SRRM4: variants seen among roughly 807,000 people sequenced by gnomAD.
SRRM4 encodes the protein serine/arginine repetitive matrix 4.
In SRRM4, 33 loss-of-function variants were observed where a neutral mutation model predicts 68.9. The observed-to-expected ratio is 0.48, with a 90% CI of 0.36 to 0.64. The LOEUF (loss-of-function observed/expected upper bound fraction) is 0.64. Among genes scored for constraint, SRRM4 ranks in the 30% least tolerant of loss-of-function variants. SRRM4 has a pLI of 0.00. For missense variants in SRRM4, 817 were observed against 827.1 expected (o/e 0.99, Z 0.15); for synonymous variants, 318 against 318.8 (o/e 1.00, Z 0.03).
intron 1 of SRRM4, among the ~76,000 whole-genome samples, chr12:118,991,125 A>C (rs1309585941): frequency 6.6e-6 from 1 of 152,190 alleles, no homozygotes; most frequent in Non-Finnish European, 1.5e-5. Flanking sequence ...TTAAGTATAC[A>C]GAGCCAGCTC....
At chr12:119,087,025 A>G (rs949883395) in intron 1 of SRRM4, among the ~76,000 whole-genome samples, 1 of 152,204 alleles carries the variant, frequency 6.6e-6, no homozygotes, top group African/African-American at 2.4e-5. Context: ...CGTGGTTCCC[A>G]TGGTGTCCAC....
chr12:119,088,917 T>TA (rs1450064723), intron 1 of SRRM4, among the ~76,000 whole-genome samples: 1 of 152,236 alleles, frequency 6.6e-6, no homozygotes, highest in Non-Finnish European at 1.5e-5. Flanking sequence ...GGAATGGTGT[T>TA]AAGCACTTTG....
At chr12:119,138,497 A>T (rs967490122) in intron 8 of SRRM4, among the ~76,000 whole-genome samples, 2 of 152,168 alleles carry the variant, frequency 1.3e-5, no homozygotes, top group Admixed American at 6.5e-5. Context: ...TTGATGCTCC[A>T]GTGTTCAGCC....
intron 1 of SRRM4, among the ~76,000 whole-genome samples, chr12:119,082,914 T>C (rs538285487): frequency 6.6e-6 from 1 of 152,336 alleles, no homozygotes; most frequent in Non-Finnish European, 1.5e-5. Flanking sequence ...CTGATCTTTA[T>C]GCCCTAAGAC....
chr12:118,986,898 TA>T lies in SRRM4; in HGVS notation c.131+4895del, dbSNP rs368198677. On this transcript the variant is annotated intron_variant, in intron 1 of 12. Coordinates refer to ENST00000267260, the MANE Select transcript of SRRM4 (RefSeq NM_194286.4). Reference sequence around the variant, plus strand: ...GGCATGCTGCAGAAGAGCAATACATTAAAAAAAAAATCTGTTTTTTTTATTT... The same window carrying T: ...GGCATGCTGCAGAAGAGCAATACATTAAAAAAAAATCTGTTTTTTTTATTT... 7.1e-3 allele frequency among the ~76,000 whole-genome samples: 1,061 copies of T among 150,068 alleles called. 37 individuals are homozygous for T. In the South Asian group the frequency reaches 0.11, roughly 15 times the overall value.
At chr12:119,063,963 T>C (rs908105696) in intron 1 of SRRM4, among the ~76,000 whole-genome samples, 4 of 152,178 alleles carry the variant, frequency 2.6e-5, no homozygotes, top group Non-Finnish European at 4.4e-5. Flanking sequence ...GATCCTGGGC[T>C]ATATACTAAC....
chr12:119,122,834 T>C (rs531200252), intron 6 of SRRM4, among the ~76,000 whole-genome samples: 1 of 152,276 alleles, frequency 6.6e-6, no homozygotes, highest in East Asian at 1.9e-4. Context: ...TGTGTGAGCA[T>C]GTGTATGAAT....
intron 1 of SRRM4, among the ~76,000 whole-genome samples, chr12:119,012,678 G>T (rs1422384873): frequency 6.6e-6 from 1 of 152,092 alleles, no homozygotes; most frequent in Non-Finnish European, 1.5e-5. Flanking sequence ...TCTTCCTTCA[G>T]CCACATGTGG....
intron 1 of SRRM4, among the ~76,000 whole-genome samples, chr12:119,009,993 C>A (rs539874813): frequency 6.6e-6 from 1 of 152,228 alleles, no homozygotes; most frequent in Non-Finnish European, 1.5e-5. Context: ...AAGTGTTTAC[C>A]AACAGGAGTG....
intron 1 of SRRM4, chr12:118,989,661 A>T (rs187166149): frequency 6.6e-6 from 1 of 152,266 alleles, no homozygotes; most frequent in East Asian, 1.9e-4. Context: ...GACAAAGCCA[A>T]ACCAAATACA....
rs891658089 is a variant in SRRM4 at position 118,981,571 on chromosome 12, T to G, written c.-312T>G. 3.4e-6 allele frequency: 1 copy of G among 295,518 alleles called. No homozygotes were observed. Among genetic ancestry groups the G allele is most frequent in the African/African-American group, 2.2e-5 (1 of 46,110 alleles). 18.3% of individuals were successfully genotyped at this position (295,518 alleles called of 1,614,324 possible). ...CGCACACACATCCGACCCCGTCGCC[T>G]CTTCTCTCCTGGTGCTGCCCAGAAA... On this transcript the variant is annotated 5_prime_UTR_variant, in exon 1 of 13. Transcript: ENST00000267260.
intron 7 of SRRM4, among the ~76,000 whole-genome samples, chr12:119,125,898 G>A (rs1214801890): frequency 1.3e-5 from 2 of 151,610 alleles, no homozygotes; most frequent in Non-Finnish European, 2.9e-5. Context: ...TCCAGCCTGG[G>A]TGACAGAACA....
intron 1 of SRRM4, among the ~76,000 whole-genome samples, chr12:119,027,521 A>G (rs1367750403): frequency 6.6e-6 from 1 of 151,592 alleles, no homozygotes; most frequent in Non-Finnish European, 1.5e-5. Context: ...AGTCAGATCT[A>G]CAAGCACTCA....
At chr12:119,009,091 G>T (rs1472655394) in intron 1 of SRRM4, among the ~76,000 whole-genome samples, 1 of 151,900 alleles carries the variant, frequency 6.6e-6, no homozygotes, top group Non-Finnish European at 1.5e-5. Context: ...ACACTCGCTC[G>T]CACACGCAGC....
chr12:118,987,970 G>A (rs974071859), intron 1 of SRRM4, among the ~76,000 whole-genome samples: 18 of 152,190 alleles, frequency 1.2e-4, no homozygotes, highest in Admixed American at 9.8e-4. Context: ...ATAATGTACA[G>A]TGATCAGATC....
chr12:119,012,729 C>A (rs1953458036), intron 1 of SRRM4, among the ~76,000 whole-genome samples: 3 of 152,168 alleles, frequency 2.0e-5, no homozygotes, highest in Admixed American at 2.0e-4. Context: ...TTTGATATTT[C>A]TCTGCAAAGA....
At chr12:119,028,580 C>G (rs560618944) in intron 1 of SRRM4, among the ~76,000 whole-genome samples, 16 of 152,272 alleles carry the variant, frequency 1.1e-4, no homozygotes, top group African/African-American at 3.1e-4. Flanking sequence ...TTGTAAATTC[C>G]TCAGGCTCAG....
chr12:119,110,111 G>A (rs9783479), intron 2 of SRRM4, among the ~76,000 whole-genome samples: 4 of 152,184 alleles, frequency 2.6e-5, no homozygotes, highest in African/African-American at 9.6e-5. Flanking sequence ...TGTTTGCCTG[G>A]GTATCACCAG....
intron 11 of SRRM4, 27 bp downstream of exon 11, chr12:119,153,676 C>T (rs1954454053): frequency 2.0e-6 from 3 of 1,495,744 alleles, no homozygotes; most frequent in South Asian, 2.4e-5. Context: ...TCAAACTAGG[C>T]CCGTCCTAGG....
Sources: allele counts gnomAD v4.1 joint callset (sites outside exome capture counted in the v4.1 genomes callset), GRCh38; gene constraint gnomAD v4.1.1; transcripts MANE v1.5; gene names NCBI Gene and HGNC (gene_info 2026-07-23, HGNC 2026-07-21).